ARID4B: variants seen among roughly 807,000 people sequenced by gnomAD.
The protein encoded by ARID4B is AT-rich interactive domain-containing protein 4B.
Under a neutral mutation model 147.5 loss-of-function variants are expected in ARID4B, and 26 were observed. The ratio of observed to expected loss-of-function variants is 0.18; its 90% CI spans 0.13 to 0.24. The LOEUF (loss-of-function observed/expected upper bound fraction) is 0.24. ARID4B is among the 10% of genes least tolerant of loss of function. The pLI is 1.00. For missense variants in ARID4B, 1,179 were observed against 1,511.5 expected (o/e 0.78, Z 3.65); for synonymous variants, 512 against 507.9 (o/e 1.01, Z -0.11).
chr1:235,265,311 A>G (rs1275424153), intron 2 of ARID4B, among the ~76,000 whole-genome samples: 1 of 151,956 alleles, frequency 6.6e-6, no homozygotes, highest in Admixed American at 6.6e-5. Context: ...GGTTGCAGTG[A>G]GTCAAGATTG....
chr1:235,187,051 T>A (rs1664733698), intron 19 of ARID4B: 1 of 398,170 alleles, frequency 2.5e-6, no homozygotes, highest in East Asian at 7.7e-5. Flanking sequence ...TGCATCTTAT[T>A]CTTTTCTTTT....
rs1332173075 is a variant in ARID4B, at chr1:235,213,914, A to C, written c.1696T>G (p.Phe566Val). 1.2e-6 allele frequency: 2 copies of C among 1,612,326 alleles called. No individual in the cohort carries two copies. The highest frequency in any genetic ancestry group is 1.7e-6 in the Non-Finnish European group (2 of 1,179,498). The stretch of plus-strand genomic sequence containing the variant: ...TTCATGCCTGGTGGATAGCACTCAA[A>C]CTCCTCTTCCTCATTGTTGTCATCA... ...DDDDNNEEEE[F>V]ECYPPGMKVQ... Residue 566 changes from phenylalanine (F) to valine (V), a missense_variant, in exon 17 of 24, where the codon TTT (phenylalanine) becomes GTT (valine). By Grantham distance (50) the Phe-to-Val change is conservative. This residue lies in a region of ARID4B where 204 missense variants were observed against 210.9 expected (regional missense o/e 0.97). Coordinates refer to ENST00000264183, the MANE Select transcript of ARID4B (RefSeq NM_016374.6).
At chr1:235,255,265 A>AGATAGATAGATC (rs1239708915) in intron 5 of ARID4B, among the ~76,000 whole-genome samples, 2 of 64,582 alleles carry the variant, frequency 3.1e-5, no homozygotes, top group African/African-American at 6.9e-5. Flanking sequence ...ATAGATAGAT[A>AGATAGATAGATC]TATATCTCTC....
intron 2 of ARID4B, among the ~76,000 whole-genome samples, chr1:235,283,836 G>A (rs546412890): frequency 4.6e-5 from 7 of 152,152 alleles, no homozygotes; most frequent in African/African-American, 1.7e-4. Context: ...CCCAGTTCAA[G>A]CGATTCTCAT....
intron 19 of ARID4B, among the ~76,000 whole-genome samples, chr1:235,191,903 C>T (rs568109180): frequency 1.3e-5 from 2 of 152,126 alleles, no homozygotes; most frequent in African/African-American, 4.8e-5. Context: ...CAGGGTGAAA[C>T]CCCATCTCTA....
intron 2 of ARID4B, among the ~76,000 whole-genome samples, chr1:235,326,112 A>G (rs897897904): frequency 1.3e-5 from 2 of 152,232 alleles, no homozygotes; most frequent in Middle Eastern, 3.4e-3. Context: ...TTGAATCCAG[A>G]CTTTTCAAAA....
intron 17 of ARID4B, among the ~76,000 whole-genome samples, chr1:235,203,053 A>C (rs1666059972): frequency 6.6e-6 from 1 of 152,248 alleles, no homozygotes; most frequent in Admixed American, 6.5e-5. Flanking sequence ...AGTAATGACA[A>C]ATTGTGAATA....
Position 235,269,624 on chromosome 1 carries a change from T to C in ARID4B, c.7-8872A>G, listed in dbSNP as rs138104005. Among the ~76,000 whole-genome samples, 347 of 152,278 alleles carry C rather than the reference T, an allele frequency of 2.3e-3. 2 individuals are homozygous for C. The Middle Eastern group carries it at 0.024, about 10-fold the overall frequency. On this transcript the variant is annotated intron_variant, in intron 2 of 23. Transcript: ENST00000264183. ...ACATACATATGTACACATATATGTATACAATATATATGTGTATATATACAC... is the reference window on the plus strand; with the variant it reads ...ACATACATATGTACACATATATGTACACAATATATATGTGTATATATACAC...
intron 19 of ARID4B, among the ~76,000 whole-genome samples, chr1:235,183,533 T>C (rs1430774126): frequency 6.6e-6 from 1 of 151,904 alleles, no homozygotes; most frequent in Non-Finnish European, 1.5e-5. Context: ...TATGAAACTA[T>C]AGCCTTCATT....
chr1:235,223,061 T>G (rs1010561038), intron 13 of ARID4B, 105 bp downstream of exon 13: 28 of 721,092 alleles, frequency 3.9e-5, no homozygotes, highest in Non-Finnish European at 5.6e-5. Flanking sequence ...AGGTTTTTAC[T>G]GAAAAACTTT....
At chr1:235,236,862 A>ATTTTT (rs869157061) in intron 8 of ARID4B, among the ~76,000 whole-genome samples, 6 of 17,490 alleles carry the variant, frequency 3.4e-4, no homozygotes, top group Admixed American at 2.5e-3. Flanking sequence ...ATATATATAT[A>ATTTTT]TTTTTTTTTT....
At chr1:235,268,958 G>T (rs555526698) in intron 2 of ARID4B, among the ~76,000 whole-genome samples, 1 of 152,216 alleles carries the variant, frequency 6.6e-6, no homozygotes, top group South Asian at 2.1e-4. Context: ...TCTTGAAGGG[G>T]TTTTCCTCTT....
At chr1:235,172,867 T>C (rs1183775694) in intron 22 of ARID4B, 103 bp from the exon 23 acceptor site, 3 of 976,592 alleles carry the variant, frequency 3.1e-6, no homozygotes, top group Non-Finnish European at 4.3e-6. Context: ...TTGAGGCAGA[T>C]GAACTAAAAA....
intron 2 of ARID4B, among the ~76,000 whole-genome samples, chr1:235,308,357 T>C (rs1006820423): frequency 6.6e-6 from 1 of 151,858 alleles, no homozygotes; most frequent in African/African-American, 2.4e-5. Flanking sequence ...TTCGCCCACC[T>C]TGGCCTCCCA....
chr1:235,290,641 C>T (rs893850116), intron 2 of ARID4B, among the ~76,000 whole-genome samples: 1 of 152,186 alleles, frequency 6.6e-6, no homozygotes, highest in African/African-American at 2.4e-5. Flanking sequence ...AAATCTTATA[C>T]ATCTGTCCTA....
At chr1:235,229,013 T>C (rs1668032038) in intron 11 of ARID4B, 3 of 505,076 alleles carry the variant, frequency 5.9e-6, no homozygotes, top group South Asian at 2.9e-5. Context: ...TTTGAGGTTA[T>C]TAGGAAAATC....
At chr1:235,252,882 T>C in intron 5 of ARID4B, 73 bp from the exon 6 acceptor site, 1 of 1,253,922 alleles carries the variant, frequency 8.0e-7, no homozygotes, top group Non-Finnish European at 1.1e-6. Flanking sequence ...TGTATTACAA[T>C]TTTCTGAGTG....
At chr1:235,187,221 A>T (rs1664757326) in intron 19 of ARID4B, 2 of 229,712 alleles carry the variant, frequency 8.7e-6, no homozygotes, top group Non-Finnish European at 1.7e-5. Flanking sequence ...AGCTGGAACT[A>T]CAGGCATGTG....
At chr1:235,322,829 A>G (rs1674935883) in intron 2 of ARID4B, among the ~76,000 whole-genome samples, 1 of 151,834 alleles carries the variant, frequency 6.6e-6, no homozygotes, top group Non-Finnish European at 1.5e-5. Context: ...AAGAACAGAG[A>G]GGGGGGAACG....
Sources: allele counts gnomAD v4.1 joint callset (sites outside exome capture counted in the v4.1 genomes callset), GRCh38; gene constraint gnomAD v4.1.1; regional missense constraint gnomAD v4.1.1; transcripts MANE v1.5; gene names NCBI Gene and HGNC (gene_info 2026-07-23, HGNC 2026-07-21).